BCR: variants seen among roughly 807,000 people sequenced by gnomAD.
BCR encodes breakpoint cluster region protein.
Under a neutral mutation model 138.6 loss-of-function variants are expected in BCR, and 58 were observed. That is an observed-to-expected ratio of 0.42 (90% CI 0.34 to 0.52). The LOEUF is 0.52. Among genes scored for constraint, BCR ranks in the 20% least tolerant of loss-of-function variants. The pLI, the probability that BCR is intolerant of heterozygous loss-of-function variation, is 0.06. For synonymous variants in BCR, 786 were observed against 730.1 expected (o/e 1.08, Z -1.23); for missense variants, 1,599 against 1,727.2 (o/e 0.93, Z 1.32).
At position 23,229,501 on chromosome 22, in the gene BCR, T is replaced by A. The variant is rs371973327; in HGVS notation, c.1280-24298T>A. ...AAAATGTTGACTGATTTTTTTTTTT[T>A]TAAACAGGCAGTCAACCCAGTTAGA... On this transcript the variant is annotated intron_variant, in intron 1 of 22. Transcript: ENST00000305877. Among the ~76,000 whole-genome samples the A allele has an allele frequency of 6.6e-5, 10 of 152,308 alleles. No individual in the cohort carries two copies. The East Asian group carries it at 1.5e-3, about 23-fold the overall frequency.
Position 23,181,392 on chromosome 22 carries a change from C to A in BCR, c.432C>A (p.Asp144Glu), listed in dbSNP as rs1378789462. The A allele has an allele frequency of 6.4e-7, 1 of 1,555,814 alleles. No homozygotes were observed. The highest frequency in any genetic ancestry group is 8.7e-7 in the Non-Finnish European group (1 of 1,152,106). ...PGAAASGERD[D>E]RGPPASVAAL... ...CAGCCGCGTCGGGGGAACGGGACGACCGGGGACCCCCCGCCAGCGTGGCGG... is the reference window on the plus strand; with the variant it reads ...CAGCCGCGTCGGGGGAACGGGACGAACGGGGACCCCCCGCCAGCGTGGCGG... The change falls in exon 1 of 23, where the codon GAC becomes GAA. Residue 144 changes from aspartate to glutamate, a missense_variant. By Grantham distance (45) the Asp-to-Glu change is conservative. Transcript: ENST00000305877.
At chr22:23,222,619 C>T (rs114438850) in intron 1 of BCR, among the ~76,000 whole-genome samples, 5,938 of 152,084 alleles carry the variant, frequency 0.039, 427 homozygotes, top group African/African-American at 0.14. Context: ...GAGAGGGGAG[C>T]GTGGCAGGGG....
At chr22:23,292,693 T>C (rs1468192745) in intron 15 of BCR, 55 bp downstream of exon 15, 2 of 1,468,612 alleles carry the variant, frequency 1.4e-6, no homozygotes, top group Non-Finnish European at 1.9e-6. Context: ...CAGGATATTT[T>C]CCACTGGAGA....
Position 23,315,352 on chromosome 22 carries a change from G to A in BCR, c.3727-81G>A, listed in dbSNP as rs1207517443. On this transcript the variant is annotated intron_variant, in intron 22 of 22. Transcript: ENST00000305877. ...CCCAGCACCTGAGATGGACTTGGAGGCTTGGGCCCCAAAGACCTCCCACCA... is the reference window on the plus strand; with the variant it reads ...CCCAGCACCTGAGATGGACTTGGAGACTTGGGCCCCAAAGACCTCCCACCA... The A allele has an allele frequency of 1.3e-4, 168 of 1,318,266 alleles. 1 individual carries two copies. The highest frequency in any genetic ancestry group is 9.1e-4 in the East Asian group (39 of 43,030). 81.7% of individuals were successfully genotyped at this position (1,318,266 alleles called of 1,614,324 possible).
rs554708631 is a variant in BCR at position 23,293,322 on chromosome 22, C to G, written c.2880+684C>G. Among the ~76,000 whole-genome samples the G allele has an allele frequency of 1.3e-4, 20 of 152,268 alleles. No individual in the cohort carries two copies. In the South Asian group the frequency reaches 4.1e-3, roughly 32 times the overall value. On this transcript the variant is annotated intron_variant, in intron 15 of 22. Transcript: ENST00000305877. ...CAGAGAGCTGCCTCCCACCCCTGCT[C>G]CTGCGAAGGAGGAAGCCAAGAGCCC...
chr22:23,231,509 A>AAAATAAAATG (rs1454016634), intron 1 of BCR, among the ~76,000 whole-genome samples: 2 of 136,678 alleles, frequency 1.5e-5, no homozygotes, highest in Non-Finnish European at 3.0e-5. Flanking sequence ...CCCGTCTCAT[A>AAAATAAAATG]AAATAAAATA....
chr22:23,222,950 C>T (rs2072843210), intron 1 of BCR, among the ~76,000 whole-genome samples: 2 of 152,142 alleles, frequency 1.3e-5, no homozygotes, highest in South Asian at 2.1e-4. Context: ...ATCAAGGCAC[C>T]TACAGATTAC....
intron 5 of BCR, among the ~76,000 whole-genome samples, chr22:23,269,940 G>T (rs1485372782): frequency 6.6e-6 from 1 of 152,128 alleles, no homozygotes; most frequent in Non-Finnish European, 1.5e-5. Flanking sequence ...TGCACCAGTG[G>T]ATTCTGAGCC....
chr22:23,257,943 G>A (rs1255253962), intron 2 of BCR, among the ~76,000 whole-genome samples: 1 of 152,178 alleles, frequency 6.6e-6, no homozygotes. Context: ...TCTTAATTGA[G>A]CACCTGGGTG....
intron 16 of BCR, among the ~76,000 whole-genome samples, chr22:23,297,573 A>T (rs1602118591): frequency 1.3e-5 from 2 of 151,260 alleles, no homozygotes; most frequent in Non-Finnish European, 2.9e-5. Context: ...TGTCTCCCCC[A>T]CCCAGCCTAG....
At chr22:23,308,051 G>A (rs1173691882) in intron 16 of BCR, among the ~76,000 whole-genome samples, 1 of 146,952 alleles carries the variant, frequency 6.8e-6, no homozygotes, top group African/African-American at 2.6e-5. Context: ...GTGCACGCAT[G>A]TGAATGTGTG....
intron 1 of BCR, among the ~76,000 whole-genome samples, chr22:23,194,414 C>G (rs891743440): frequency 1.7e-5 from 2 of 121,198 alleles, no homozygotes; most frequent in African/African-American, 5.9e-5. Flanking sequence ...TTTTTTTTTT[C>G]TTTCTTTTTT....
Position 23,285,160 on chromosome 22 carries a change from A to T in BCR, c.2365A>T (p.Ile789Phe), listed in dbSNP as rs369754347. ...CGATGAGGAGCTGGACGCTTTGAAG[A>T]TCAAGATCTCCCAGATCAAGAATGA... ...VPDEELDALK[I>F]KISQIKNDIQ... The change falls in exon 10 of 23, where the codon ATC becomes TTC. Residue 789 changes from isoleucine (I) to phenylalanine (F), a missense_variant. Coordinates refer to ENST00000305877, the MANE Select transcript of BCR (RefSeq NM_004327.4). 7.4e-6 allele frequency: 12 copies of T among 1,613,694 alleles called. No individual in the cohort carries two copies. In the Admixed American group the frequency reaches 2.0e-4, roughly 27 times the overall value.
rs542755197 is a variant in BCR at position 23,241,042 on chromosome 22, T to C, written c.1280-12757T>C. ...TTTTTGAGGCTGAATAATACTCCTT[T>C]ACATGTATGTGGCACGTTCTGGTTT... On this transcript the variant is annotated intron_variant, in intron 1 of 22. Transcript: ENST00000305877. 2.0e-5 allele frequency among the ~76,000 whole-genome samples: 3 copies of C among 152,370 alleles called. No individual in the cohort carries two copies. The South Asian group carries it at 6.2e-4, about 32-fold the overall frequency.
At chr22:23,186,532 A>G (rs1342735283) in intron 1 of BCR, among the ~76,000 whole-genome samples, 7 of 152,150 alleles carry the variant, frequency 4.6e-5, no homozygotes, top group Admixed American at 2.6e-4. Context: ...CTCTGTACCC[A>G]GTGAATAATA....
intron 12 of BCR, among the ~76,000 whole-genome samples, 186 bp downstream of exon 12, chr22:23,288,358 C>G (rs2073742181): frequency 6.6e-6 from 1 of 152,068 alleles, no homozygotes. Flanking sequence ...CCTCTTGTTC[C>G]CCTGCCAGCC....
At chr22:23,266,335 C>T (rs1004004814) in intron 4 of BCR, among the ~76,000 whole-genome samples, 9 of 150,116 alleles carry the variant, frequency 6.0e-5, no homozygotes, top group African/African-American at 1.7e-4. Context: ...GTGACCCGCC[C>T]GCCTCAGCCT....
intron 21 of BCR, 75 bp from the exon 22 acceptor site, chr22:23,314,477 C>T (rs1340976495): frequency 4.5e-6 from 7 of 1,550,732 alleles, no homozygotes; most frequent in South Asian, 1.1e-5. Context: ...CTGAGAACTC[C>T]AGCACAGCCC....
chr22:23,274,907 CAAAAAAAAA>C (rs758602402), intron 8 of BCR, among the ~76,000 whole-genome samples: 27,750 of 84,104 alleles, frequency 0.33, 3,148 homozygotes, highest in Middle Eastern at 0.45. Context: ...AACTCCATCT[CAAAAAAAAA>C]AAAAAAAAAA....
Sources: allele counts gnomAD v4.1 joint callset (sites outside exome capture counted in the v4.1 genomes callset), GRCh38; gene constraint gnomAD v4.1.1; transcripts MANE v1.5; gene names NCBI Gene and HGNC (gene_info 2026-07-23, HGNC 2026-07-21).